The following GPC5 variants were observed in gnomAD, a reference collection of about 807,000 sequenced individuals.
The protein encoded by GPC5 is glypican-5.
GPC5 carries 47 observed loss-of-function variants against 53.9 expected under a neutral mutation model. The ratio of observed to expected loss-of-function variants is 0.87; its 90% CI spans 0.69 to 1.11. The LOEUF is 1.11. Among genes scored for constraint, GPC5 ranks in the 50% most tolerant of loss-of-function variants. GPC5 has a pLI of 0.00. For missense variants in GPC5, 748 were observed against 713.1 expected (o/e 1.05, Z -0.56); for synonymous variants, 286 against 263.3 (o/e 1.09, Z -0.84).
intron 6 of GPC5, among the ~76,000 whole-genome samples, chr13:91,911,157 A>G (rs1401546681): frequency 2.0e-5 from 3 of 152,252 alleles, no homozygotes; most frequent in Non-Finnish European, 1.5e-5. Context: ...TAAAGGGAGG[A>G]GATAAACATA....
intron 7 of GPC5, among the ~76,000 whole-genome samples, chr13:92,204,882 GTTGT>G (rs1331853082): frequency 3.3e-5 from 5 of 152,004 alleles, no homozygotes; most frequent in African/African-American, 4.8e-5. Context: ...GTTTTTGTTT[GTTGT>G]TTGTTTGTTT....
intron 2 of GPC5, among the ~76,000 whole-genome samples, chr13:91,482,617 A>G (rs1883367113): frequency 6.6e-6 from 1 of 152,230 alleles, no homozygotes; most frequent in Admixed American, 6.5e-5. Flanking sequence ...TTGTGTGCAC[A>G]TTAAAGCAGG....
intron 6 of GPC5, among the ~76,000 whole-genome samples, chr13:91,956,259 A>G (rs1329876594): frequency 2.6e-5 from 4 of 151,654 alleles, no homozygotes; most frequent in Non-Finnish European, 5.9e-5. Flanking sequence ...TTTTTCCAGG[A>G]GCAGGAGGTT....
intron 7 of GPC5, among the ~76,000 whole-genome samples, chr13:92,432,155 G>A (rs2139375192): frequency 6.6e-6 from 1 of 152,234 alleles, no homozygotes; most frequent in East Asian, 1.9e-4. Flanking sequence ...TCCCATGTGA[G>A]GACACAGCAA....
At chr13:92,222,580 TC>T (rs1288324021) in intron 7 of GPC5, among the ~76,000 whole-genome samples, 1 of 152,190 alleles carries the variant, frequency 6.6e-6, no homozygotes, top group Non-Finnish European at 1.5e-5. Context: ...TTGTATTTTT[TC>T]TTGCCATCCT....
intron 7 of GPC5, among the ~76,000 whole-genome samples, chr13:92,605,870 A>G (rs1426321425): frequency 2.0e-5 from 3 of 152,098 alleles, no homozygotes; most frequent in African/African-American, 7.2e-5. Flanking sequence ...AAAATATAAT[A>G]TTAGGTTATT....
At chr13:92,388,138 T>C (rs1344769519) in intron 7 of GPC5, among the ~76,000 whole-genome samples, 1 of 152,124 alleles carries the variant, frequency 6.6e-6, no homozygotes, top group Non-Finnish European at 1.5e-5. Flanking sequence ...TTTAAACCTA[T>C]TTCTGAACTT....
Position 91,473,843 on chromosome 13 carries a change from A to T in GPC5, c.325+24921A>T, listed in dbSNP as rs1051676942. 4.6e-5 allele frequency among the ~76,000 whole-genome samples: 7 copies of T among 152,260 alleles called. No individual in the cohort carries two copies. In the East Asian group the frequency reaches 1.4e-3, roughly 29 times the overall value. On this transcript the variant is annotated intron_variant, in intron 2 of 7. Coordinates refer to ENST00000377067, the MANE Select transcript of GPC5 (RefSeq NM_004466.6). ...AAAATAGTGTTTTTCTTCCTCAAGC[A>T]CTCTAAGCTATCAATTTTATAGAGT...
intron 7 of GPC5, among the ~76,000 whole-genome samples, chr13:92,239,380 C>T (rs555913029): frequency 2.0e-5 from 3 of 151,936 alleles, no homozygotes; most frequent in Admixed American, 6.6e-5. Flanking sequence ...TCTAATAAAA[C>T]AACATTACTT....
intron 7 of GPC5, among the ~76,000 whole-genome samples, chr13:92,378,177 C>G (rs1451906254): frequency 6.6e-6 from 1 of 152,162 alleles, no homozygotes; most frequent in Non-Finnish European, 1.5e-5. Context: ...TCCTGCTAGT[C>G]CTGCTAGTCC....
intron 6 of GPC5, among the ~76,000 whole-genome samples, chr13:91,934,655 C>T (rs1329105345): frequency 6.6e-6 from 1 of 151,902 alleles, no homozygotes; most frequent in Non-Finnish European, 1.5e-5. Flanking sequence ...GGCTCATAAA[C>T]ATGAACAGCG....
intron 1 of GPC5, among the ~76,000 whole-genome samples, chr13:91,410,408 C>T (rs886995908): frequency 4.0e-4 from 55 of 136,708 alleles, no homozygotes; most frequent in African/African-American, 1.3e-3. Context: ...TGCAGTGGCA[C>T]GATCTTGGCT....
At chr13:92,124,713 G>C (rs772703397) in intron 6 of GPC5, among the ~76,000 whole-genome samples, 20 of 152,150 alleles carry the variant, frequency 1.3e-4, no homozygotes, top group Non-Finnish European at 2.8e-4. Context: ...ACAAGCTGCT[G>C]CATCAACTAA....
intron 6 of GPC5, among the ~76,000 whole-genome samples, chr13:92,120,193 T>G (rs2041637420): frequency 6.6e-6 from 1 of 152,214 alleles, no homozygotes. Flanking sequence ...CAGCAGTAAG[T>G]AAACTCTTGA....
chr13:91,617,542 G>A (rs1219458796), intron 2 of GPC5, among the ~76,000 whole-genome samples: 1 of 152,058 alleles, frequency 6.6e-6, no homozygotes, highest in East Asian at 1.9e-4. Flanking sequence ...TAAAGTCTTG[G>A]ATAGGATGCT....
intron 7 of GPC5, among the ~76,000 whole-genome samples, chr13:92,196,798 G>A (rs1023958457): frequency 4.4e-5 from 3 of 68,424 alleles, no homozygotes; most frequent in Non-Finnish European, 9.9e-5. Flanking sequence ...TCATCTTACT[G>A]ATAAACAGGC....
Position 92,076,623 on chromosome 13 carries a change from A to T in GPC5, c.1402-68207A>T, listed in dbSNP as rs866351990. On this transcript the variant is annotated intron_variant, in intron 6 of 7. Transcript: ENST00000377067. ...TAAGGAGTCTGGGGAGTCATCCCCT[A>T]CAAACCATGAATTCTCATCAGATGG... Among the ~76,000 whole-genome samples the T allele has an allele frequency of 5.3e-5, 8 of 151,324 alleles. No individual in the cohort carries two copies. The South Asian group carries it at 8.3e-4, about 16-fold the overall frequency.
intron 2 of GPC5, among the ~76,000 whole-genome samples, chr13:91,529,498 A>C (rs1047981262): frequency 1.3e-5 from 2 of 152,212 alleles, no homozygotes; most frequent in Non-Finnish European, 2.9e-5. Flanking sequence ...TCAGCTTTTA[A>C]ATTTGAAAAA....
At chr13:92,846,186 G>A (rs73630970) in intron 7 of GPC5, among the ~76,000 whole-genome samples, 115 of 152,258 alleles carry the variant, frequency 7.6e-4, no homozygotes, top group Middle Eastern at 3.4e-3. Flanking sequence ...AGTGCTGAGC[G>A]AAGGAGGGAA....
Sources: gnomAD v4.1 joint callset for allele counts (sites outside exome capture counted in the v4.1 genomes callset) on GRCh38, gnomAD v4.1.1 for gene constraint, MANE v1.5 for transcripts, NCBI Gene and HGNC (gene_info 2026-07-23, HGNC 2026-07-21) for gene names.